The following RIF1 variants were observed in gnomAD, a reference collection of about 807,000 sequenced individuals.
RIF1 encodes the protein telomere-associated protein RIF1.
In RIF1, 45 loss-of-function variants were observed where a neutral mutation model predicts 247.1. That is an observed-to-expected ratio of 0.18 (90% CI 0.14 to 0.23). The LOEUF (loss-of-function observed/expected upper bound fraction) is 0.23. RIF1 is among the 10% of genes least tolerant of loss of function. The pLI is 1.00. For missense variants in RIF1, 2,967 were observed against 2,862.5 expected, an observed-to-expected ratio of 1.04 and a Z score of -0.83; for synonymous variants, 1,087 against 978.8, an observed-to-expected ratio of 1.11 and a Z score of -2.06.
intron 30 of RIF1, 113 bp from the exon 31 acceptor site, chr2:151,467,887 A>C: frequency 1.0e-6 from 1 of 992,186 alleles, no homozygotes; most frequent in South Asian, 1.7e-5. Flanking sequence ...TTCTGGTGAA[A>C]TAAATTTTCT....
At chr2:151,504,789 A>G (rs781340457) in intron 12 of RIF1, among the ~76,000 whole-genome samples, 1 of 152,162 alleles carries the variant, frequency 6.6e-6, no homozygotes, top group Non-Finnish European at 1.5e-5. Context: ...GTCAGGAGAA[A>G]TGTGCTAACC....
the RIF1 span, among the ~76,000 whole-genome samples, chr2:151,522,970 T>TAGGGGG: frequency 3.9e-5 from 6 of 152,148 alleles, no homozygotes; most frequent in Admixed American, 3.9e-4. Flanking sequence ...ATGGGACCCA[T>TAGGGGG]AGGGTCCCAT....
the RIF1 span, chr2:151,513,492 C>A: frequency 1.1e-6 from 1 of 935,988 alleles, no homozygotes; most frequent in Non-Finnish European, 1.6e-6. Context: ...GTGACTGTCA[C>A]CAATAAATCA....
Position 151,492,503 on chromosome 2 carries a change from G to A in RIF1, c.*416-2726G>A, listed in dbSNP as rs1214414494. The A allele has an allele frequency of 1.9e-6, 3 of 1,592,294 alleles. No individual in the cohort carries two copies. Among genetic ancestry groups the A allele is most frequent in the African/African-American group, 1.3e-5 (1 of 74,406 alleles). On this transcript the variant is annotated intron_variant and NMD_transcript_variant, in intron 9 of 13. Coordinates refer to the RIF1 transcript ENST00000454583. Reference sequence around the variant, plus strand: ...CTATCAGAATAAAGAACCTGATGCAGGAGAGACCGTGAATGAGTGGTGCTG... The same window carrying A: ...CTATCAGAATAAAGAACCTGATGCAAGAGAGACCGTGAATGAGTGGTGCTG...
chr2:151,531,921 G>A, the RIF1 span: 5 of 1,483,578 alleles, frequency 3.4e-6, no homozygotes, highest in South Asian at 1.2e-5. Context: ...AGAAGAAAGA[G>A]CTCTAAGAAG....
intron 11 of RIF1, among the ~76,000 whole-genome samples, chr2:151,436,189 G>T (rs529125086): frequency 6.6e-6 from 1 of 152,028 alleles, no homozygotes; most frequent in Admixed American, 6.6e-5. Flanking sequence ...TCTCGCCACT[G>T]CACTCCAGCC....
chr2:151,433,014 C>A, intron 9 of RIF1, 63 bp from the exon 10 acceptor site: 1 of 1,237,434 alleles, frequency 8.1e-7, no homozygotes, highest in Non-Finnish European at 1.1e-6. Flanking sequence ...TGTTGCATAG[C>A]TAGTGTTAGA....
Position 151,481,627 on chromosome 2 carries a change from A to G in RIF1, c.*6556A>G, listed in dbSNP as rs749347416. 6.6e-6 allele frequency: 1 copy of G among 152,254 alleles called. No individual in the cohort carries two copies. The highest frequency in any genetic ancestry group is 1.5e-5 in the Non-Finnish European group (1 of 68,042). The allele number at this position is 152,254 out of a possible 1,614,324, so 9.4% of individuals were successfully genotyped here. A position where few individuals can be genotyped will look rare whatever the true frequency, so the allele number is the denominator to read the frequency against. On this transcript the variant is annotated 3_prime_UTR_variant, in exon 36 of 36. Coordinates refer to ENST00000444746, the MANE Select transcript of RIF1 (RefSeq NM_018151.5). Reference sequence around the variant, plus strand: ...TATTTGTATTTGATAAGTCTTAAAAATGATTTAAGTTGAAGCCTAACAGAA... The same window carrying G: ...TATTTGTATTTGATAAGTCTTAAAAGTGATTTAAGTTGAAGCCTAACAGAA...
At chr2:151,487,096 T>A (rs1045472987), downstream of RIF1, among the ~76,000 whole-genome samples, 1 of 152,300 alleles carries the variant, frequency 6.6e-6, no homozygotes, top group African/African-American at 2.4e-5. Context: ...AAAGACAGAA[T>A]ATGCTGCTAA....
In RIF1 at chr2:151,464,248, C is replaced by G; in HGVS notation, c.4728C>G (p.Ser1576Arg). 6.2e-7 allele frequency: 1 copy of G among 1,613,776 alleles called. No individual in the cohort carries two copies. The highest frequency in any genetic ancestry group is 1.3e-5 in the African/African-American group (1 of 74,960). Residue 1576 changes from serine to arginine, a missense_variant, in exon 30 of 36, where the codon AGC becomes AGG. This residue lies in a region of RIF1 where 2,028 missense variants were observed against 1,825.6 expected (regional missense o/e 1.11). Transcript: ENST00000444746. ...GATCTGGAAAATGGAAAAACAAAAG[C>G]AATGAAAGTGTTGACATTCAAGATC... ...KKRSGKWKNK[S>R]NESVDIQDQE...
chr2:151,524,654 CTTTTTTTT>C, the RIF1 span: 65 of 257,284 alleles, frequency 2.5e-4, no homozygotes, highest in South Asian at 5.4e-4. Context: ...AAGAGAGAGG[CTTTTTTTT>C]TTTTTTTTTT....
At chr2:151,413,824 A>G (rs908890795) in intron 3 of RIF1, among the ~76,000 whole-genome samples, 9 of 152,230 alleles carry the variant, frequency 5.9e-5, no homozygotes, top group Non-Finnish European at 1.2e-4. Flanking sequence ...TTCCTGCTCA[A>G]GAATAACAAT....
intron 20 of RIF1, among the ~76,000 whole-genome samples, chr2:151,448,585 T>G (rs1377315767): frequency 2.6e-5 from 4 of 152,222 alleles, no homozygotes; most frequent in Non-Finnish European, 4.4e-5. Context: ...TTTGTTAGAT[T>G]TGGAATAAAA....
rs779309231 is a variant in RIF1 at position 151,436,978 on chromosome 2, G to A, written c.1347G>A (p.Lys449=). Residue 449 remains lysine (K), a synonymous_variant, in exon 12 of 36, where the codon AAG becomes AAA. Coordinates refer to ENST00000444746, the MANE Select transcript of RIF1 (RefSeq NM_018151.5). ...GTCCAGAAGCCTTGAGTTTTGCTAA[G>A]CAAAATAAACTTGTGCTGAGCTTAG... ...LLGPEALSFA[K]QNKLVLSLEP... 21 of 1,612,684 alleles carry A rather than the reference G, an allele frequency of 1.3e-5. No homozygotes were observed. In the South Asian group the frequency reaches 2.0e-4, roughly 15 times the overall value.
In RIF1 at chr2:151,475,730, T is replaced by A. The variant is rs1166546141; in HGVS notation, c.*659T>A. On this transcript the variant is annotated 3_prime_UTR_variant, in exon 36 of 36. Transcript: ENST00000444746. ...GCAGTTGACTGAAAATTTATTCTTA[T>A]GAGACGTATAGTATTCATTTTTAAA... is the stretch of plus-strand genomic sequence containing the variant. The A allele has an allele frequency of 2.6e-5, 4 of 153,178 alleles. No individual in the cohort carries two copies. The highest frequency in any genetic ancestry group is 5.8e-5 in the Non-Finnish European group (4 of 68,748). 9.5% of individuals were successfully genotyped at this position (153,178 alleles called of 1,614,324 possible). A position where few individuals can be genotyped will look rare whatever the true frequency, so the allele number is the denominator to read the frequency against.
In RIF1 at chr2:151,481,403, G is replaced by A. The variant is rs1226857404; in HGVS notation, c.*6332G>A. On this transcript the variant is annotated 3_prime_UTR_variant, in exon 36 of 36. Coordinates refer to ENST00000444746, the MANE Select transcript of RIF1 (RefSeq NM_018151.5). ...ACTTAAACTCTCAAACTACAGTTAC[G>A]TATTTGCCATGATGTTAAGGGACCT... 3 of 152,094 alleles carry A rather than the reference G, an allele frequency of 2.0e-5. No homozygotes were observed. Among genetic ancestry groups the A allele is most frequent in the African/African-American group, 4.8e-5 (2 of 41,410 alleles). 9.4% of individuals were successfully genotyped at this position (152,094 alleles called of 1,614,324 possible). A position where few individuals can be genotyped will look rare whatever the true frequency, so the allele number is the denominator to read the frequency against.
chr2:151,428,928 TA>T lies in RIF1; in HGVS notation c.925+8del. On this transcript the variant is annotated splice_region_variant and intron_variant, in intron 9 of 35. Coordinates refer to ENST00000444746, the MANE Select transcript of RIF1 (RefSeq NM_018151.5). ...TAATTTTGCTTTAAATCCAGGTAAG[TA>T]ATATTTTAACAATTTTGATTTTCTG... 7.0e-7 allele frequency: 1 copy of T among 1,419,428 alleles called. No individual in the cohort carries two copies. Among genetic ancestry groups the T allele is most frequent in the Non-Finnish European group, 9.8e-7 (1 of 1,016,814 alleles). 87.9% of individuals were successfully genotyped at this position (1,419,428 alleles called of 1,614,324 possible).
intron 11 of RIF1, among the ~76,000 whole-genome samples, chr2:151,499,966 A>T (rs1223799758): frequency 6.6e-6 from 1 of 152,168 alleles, no homozygotes; most frequent in Admixed American, 6.5e-5. Context: ...TGGTTACTTT[A>T]AAAAAAGTCC....
chr2:151,443,186 TA>T (rs1692667895), intron 16 of RIF1, 72 bp from the exon 17 acceptor site: 3 of 967,256 alleles, frequency 3.1e-6, no homozygotes, highest in African/African-American at 1.7e-5. Context: ...TTTTATTTCT[TA>T]AATAACCAAT....
Sources: allele counts gnomAD v4.1 joint callset (sites outside exome capture counted in the v4.1 genomes callset), GRCh38; gene constraint gnomAD v4.1.1; regional missense constraint gnomAD v4.1.1; transcripts MANE v1.5; gene names NCBI Gene and HGNC (gene_info 2026-07-23, HGNC 2026-07-21).